The following TUSC3 variants were observed in gnomAD, a reference collection of about 807,000 sequenced individuals.
The protein encoded by TUSC3 is dolichyl-diphosphooligosaccharide--protein glycosyltransferase subunit TUSC3.
TUSC3 carries 45 observed loss-of-function variants against 44.8 expected under a neutral mutation model. The ratio of observed to expected loss-of-function variants is 1.00; its 90% CI spans 0.79 to 1.29. TUSC3 has a LOEUF of 1.29. Among genes scored for constraint, TUSC3 ranks in the 50% most tolerant of loss-of-function variants. The probability of loss-of-function intolerance (pLI) is 0.00; values close to 1 mark genes in which losing one functional copy is unlikely to be tolerated. For synonymous variants in TUSC3, 212 were observed against 152.9 expected (o/e 1.39, Z -2.85); for missense variants, 519 against 437.9 (o/e 1.19, Z -1.65).
chr8:15,459,919 T>G (rs568088837), intron 1 of TUSC3, among the ~76,000 whole-genome samples: 32 of 152,086 alleles, frequency 2.1e-4, no homozygotes, highest in African/African-American at 7.5e-4. Flanking sequence ...TACCACAGTT[T>G]CTTTATCCAC....
chr8:15,688,023 A>G (rs937378503), intron 6 of TUSC3, among the ~76,000 whole-genome samples: 2 of 152,198 alleles, frequency 1.3e-5, no homozygotes, highest in Non-Finnish European at 2.9e-5. Context: ...GATAAGAACA[A>G]AAAGAGAAGA....
chr8:15,688,619 G>T, intron 6 of TUSC3, among the ~76,000 whole-genome samples: 1 of 151,710 alleles, frequency 6.6e-6, no homozygotes. Flanking sequence ...TTCTGTCTTT[G>T]GTCTTTTGTT....
intron 3 of TUSC3, among the ~76,000 whole-genome samples, chr8:15,659,120 T>A (rs1261474989): frequency 1.3e-5 from 2 of 152,210 alleles, no homozygotes; most frequent in East Asian, 1.9e-4. Context: ...CAGTACTTTT[T>A]AAAAATAACT....
chr8:15,542,683 C>A (rs1288218202), intron 1 of TUSC3, among the ~76,000 whole-genome samples: 3 of 152,074 alleles, frequency 2.0e-5, no homozygotes, highest in African/African-American at 4.8e-5. Flanking sequence ...ATCTAAATTA[C>A]AGCAACATGT....
chr8:15,815,383 A>G, the TUSC3 span, among the ~76,000 whole-genome samples: 1 of 152,132 alleles, frequency 6.6e-6, no homozygotes, highest in African/African-American at 2.4e-5. Flanking sequence ...TGGGGAATAT[A>G]ATAAGTGATA....
intron 1 of TUSC3, among the ~76,000 whole-genome samples, chr8:15,588,765 T>C (rs1803701053): frequency 6.6e-6 from 1 of 152,164 alleles, no homozygotes; most frequent in South Asian, 2.1e-4. Context: ...ACTTTCTGCA[T>C]ATGGATGGAT....
At chr8:15,529,320 T>C (rs1801421034) in intron 2 of TUSC3, among the ~76,000 whole-genome samples, 1 of 152,160 alleles carries the variant, frequency 6.6e-6, no homozygotes, top group African/African-American at 2.4e-5. Context: ...GAAAAGATCA[T>C]ATGCAAAGGC....
chr8:15,684,325 G>GT (rs1334962777), intron 6 of TUSC3, among the ~76,000 whole-genome samples: 1 of 152,150 alleles, frequency 6.6e-6, no homozygotes, highest in African/African-American at 2.4e-5. Context: ...AGAGTGAGTT[G>GT]TGGAGTGTGT....
chr8:15,571,137 A>G (rs1175006898), intron 1 of TUSC3, among the ~76,000 whole-genome samples: 1 of 151,516 alleles, frequency 6.6e-6, no homozygotes, highest in East Asian at 1.9e-4. Flanking sequence ...TATTTTTAGT[A>G]GAGATGGGGT....
rs1812266809 is a variant in TUSC3 at position 15,764,288 on chromosome 8, T to G, written c.*132T>G. ...AACTGTTCCTGACTTTATACTATTTTGAATTCATTCATTTCATTGTGATCA... is the reference window on the plus strand; with the variant it reads ...AACTGTTCCTGACTTTATACTATTTGGAATTCATTCATTTCATTGTGATCA... On this transcript the variant is annotated 3_prime_UTR_variant, in exon 11 of 11. Transcript: ENST00000503731. The G allele has an allele frequency of 6.6e-6, 10 of 1,509,864 alleles. No homozygotes were observed. The highest frequency in any genetic ancestry group is 7.3e-6 in the Non-Finnish European group (8 of 1,091,512). The allele number at this position is 1,509,864 out of a possible 1,614,324, so 93.5% of individuals were successfully genotyped here.
chr8:15,753,982 G>A (rs1243241105), intron 9 of TUSC3, among the ~76,000 whole-genome samples: 1 of 152,038 alleles, frequency 6.6e-6, no homozygotes, highest in African/African-American at 2.4e-5. Flanking sequence ...AGAAGAGAAA[G>A]ACCTTTTCCC....
chr8:15,501,773 G>A (rs1028787853), intron 2 of TUSC3, among the ~76,000 whole-genome samples: 1 of 152,156 alleles, frequency 6.6e-6, no homozygotes, highest in Non-Finnish European at 1.5e-5. Flanking sequence ...CTAACAGGAT[G>A]CTGATTGCCT....
At chr8:15,520,576 C>T (rs548318547) in intron 2 of TUSC3, among the ~76,000 whole-genome samples, 1 of 152,240 alleles carries the variant, frequency 6.6e-6, no homozygotes, top group South Asian at 2.1e-4. Flanking sequence ...TTGTATTAAA[C>T]CTCTGCACTG....
At chr8:15,471,074 C>G (rs1024167090) in intron 1 of TUSC3, among the ~76,000 whole-genome samples, 1 of 152,128 alleles carries the variant, frequency 6.6e-6, no homozygotes, top group Admixed American at 6.5e-5. Context: ...TGCAAACTCC[C>G]TTCTTTGTAA....
chr8:15,427,964 T>A (rs569529348), intron 1 of TUSC3, among the ~76,000 whole-genome samples: 22 of 145,384 alleles, frequency 1.5e-4, no homozygotes, highest in Admixed American at 1.0e-3. Context: ...ATTCTTTTTT[T>A]AAATTTTTTT....
chr8:15,561,855 G>A (rs1439496574), intron 1 of TUSC3, among the ~76,000 whole-genome samples: 1 of 152,124 alleles, frequency 6.6e-6, no homozygotes, highest in South Asian at 2.1e-4. Flanking sequence ...GCCTCGCCCT[G>A]TTTCGGCTGG....
intron 1 of TUSC3, among the ~76,000 whole-genome samples, chr8:15,441,988 T>G (rs1022995768): frequency 8.5e-5 from 13 of 152,230 alleles, no homozygotes; most frequent in African/African-American, 3.1e-4. Context: ...TGTTTCCCGA[T>G]AAGTTGGTTT....
chr8:15,835,901 T>C, the TUSC3 span, among the ~76,000 whole-genome samples: 1 of 152,192 alleles, frequency 6.6e-6, no homozygotes, highest in Non-Finnish European at 1.5e-5. Flanking sequence ...ATATTTCTTC[T>C]TCTTACATTC....
At chr8:15,796,155 C>T in the TUSC3 span, among the ~76,000 whole-genome samples, 6 of 152,044 alleles carry the variant, frequency 3.9e-5, no homozygotes, top group Non-Finnish European at 7.4e-5. Flanking sequence ...CAGTCTATGT[C>T]GGTGGATATG....
Sources: allele counts gnomAD v4.1 joint callset (sites outside exome capture counted in the v4.1 genomes callset), GRCh38; gene constraint gnomAD v4.1.1; transcripts MANE v1.5; gene names NCBI Gene and HGNC (gene_info 2026-07-23, HGNC 2026-07-21).